Variants in USP11 observed in about 807,000 individuals in gnomAD.
The protein encoded by USP11 is ubiquitin carboxyl-terminal hydrolase 11.
Under a neutral mutation model 72.8 loss-of-function variants are expected in USP11, and 5 were observed. The ratio of observed to expected loss-of-function variants is 0.07; its 90% confidence interval spans 0.04 to 0.14. USP11 has a LOEUF of 0.14. Among genes scored for constraint, USP11 ranks in the 10% least tolerant of loss-of-function variants. USP11 has a pLI of 1.00. For synonymous variants in USP11, 368 were observed against 326.5 expected (o/e 1.13, Z -1.37); for missense variants, 480 against 794.7 (o/e 0.60, Z 4.76).
Position 47,247,951 on chromosome X carries a change from GAAAAA to G in USP11, c.*33_*37del. On this transcript the variant is annotated 3_prime_UTR_variant, in exon 21 of 21. Coordinates refer to ENST00000377107, the MANE Select transcript of USP11 (RefSeq NM_001371072.1). ...ATTGAGAGCCCTGGGTCCTGCCACAGAAAAAAAAAAAAAAAAGCCCTCTCTGCAAT... is the reference window on the plus strand; with the variant it reads ...ATTGAGAGCCCTGGGTCCTGCCACAGAAAAAAAAAAAGCCCTCTCTGCAAT... The G allele has an allele frequency of 1.2e-5, 12 of 1,027,487 alleles. No individual in the cohort carries two copies. In the Admixed American group the frequency reaches 1.4e-4, roughly 12 times the overall value. The allele number at this position is 1,027,487 out of a possible 1,213,427, so 84.7% of individuals were successfully genotyped here. A position where few individuals can be genotyped will look rare whatever the true frequency, so the allele number is the denominator to read the frequency against.
rs2147354268 is a variant in USP11 at position 47,244,920 on chromosome X, C to G, written c.2082C>G (p.Val694=). ...TSDRTTSPEE[V]HAQPYIAIDW... The stretch of plus-strand genomic sequence containing the variant: ...ACCGCACAACCTCCCCTGAAGAAGT[C>G]CATGGTATTTCCTTTGGCTATCAGC... Residue 694 remains valine (V), a synonymous_variant, in exon 15 of 21, where the codon GTC becomes GTG. Coordinates refer to ENST00000377107, the MANE Select transcript of USP11 (RefSeq NM_001371072.1). The G allele has an allele frequency of 3.3e-6, 4 of 1,211,815 alleles. No individual in the cohort carries two copies. The East Asian group carries it at 1.2e-4, about 36-fold the overall frequency.
At position 47,248,320 on chromosome X, in the gene USP11, T is replaced by C. The variant is rs755115693; in HGVS notation, c.*390T>C. Reference sequence around the variant, plus strand: ...TGTGTGTATATATAAAGCACCAGTCTGCTCCCCACTCAGCAGTGTGGTTTT... The same window carrying C: ...TGTGTGTATATATAAAGCACCAGTCCGCTCCCCACTCAGCAGTGTGGTTTT... On this transcript the variant is annotated 3_prime_UTR_variant, in exon 21 of 21. Coordinates refer to ENST00000377107, the MANE Select transcript of USP11 (RefSeq NM_001371072.1). 9.7e-5 allele frequency: 15 copies of C among 154,803 alleles called. No individual in the cohort carries two copies. Among genetic ancestry groups the C allele is most frequent in the Non-Finnish European group, 1.8e-4 (15 of 83,224 alleles). 12.8% of individuals were successfully genotyped at this position (154,803 alleles called of 1,213,427 possible).
At chrX:47,241,137 ACT>A in intron 7 of USP11, 138 bp from the exon 8 acceptor site, 1 of 645,601 alleles carries the variant, frequency 1.5e-6, no homozygotes, top group Non-Finnish European at 2.3e-6. Flanking sequence ...TCTCTCCCCT[ACT>A]CTCCTGCTCC....
At chrX:47,235,579 G>A (rs1247197265) in intron 1 of USP11, among the ~76,000 whole-genome samples, 1 of 109,806 alleles carries the variant, frequency 9.1e-6, no homozygotes, top group Non-Finnish European at 1.9e-5. Flanking sequence ...GCATTCTGAT[G>A]TCTTCCCATA....
At position 47,242,603 on chromosome X, in the gene USP11, C is replaced by T; in HGVS notation, c.1489-23C>T. On this transcript the variant is annotated intron_variant, in intron 11 of 20. Coordinates refer to ENST00000377107, the MANE Select transcript of USP11 (RefSeq NM_001371072.1). ...TGGGAGGCCGTGCAGACTAACAGTC[C>T]CCTCTCCATATCCCATTCCTAGATG... is the stretch of plus-strand genomic sequence containing the variant. The T allele has an allele frequency of 5.8e-6, 7 of 1,204,067 alleles. 1 individual carries two copies. The Admixed American group carries it at 6.5e-5, about 11-fold the overall frequency.
chrX:47,246,195 A>G (rs903685191), intron 17 of USP11, among the ~76,000 whole-genome samples: 1 of 112,175 alleles, frequency 8.9e-6, no homozygotes, highest in Non-Finnish European at 1.9e-5. Flanking sequence ...CTTTTGTGTT[A>G]TTTGTCATCT....
At chrX:47,244,232 G>A (rs1219771118) in intron 13 of USP11, among the ~76,000 whole-genome samples, 1 of 108,206 alleles carries the variant, frequency 9.2e-6, no homozygotes, top group Non-Finnish European at 1.9e-5. Context: ...CCAAATAGCT[G>A]CAATTACAGC....
Position 47,243,508 on chromosome X carries a change from G to A in USP11, c.1696G>A (p.Gly566Ser), listed in dbSNP as rs765719583. ...CCGTGACTACAACAACTCCTACTAC[G>A]GCCTGATGCTTTTTGGACACCCCCT... ...PARDYNNSYY[G>S]LMLFGHPLLV... The change falls in exon 13 of 21, where the codon GGC (glycine) becomes AGC (serine). Residue 566 changes from glycine to serine, a missense_variant. By Grantham distance (56) the Gly-to-Ser change is moderately conservative (BLOSUM62 0). Transcript: ENST00000377107. 4 of 1,209,666 alleles carry A rather than the reference G, an allele frequency of 3.3e-6. No individual in the cohort carries two copies. The highest frequency in any genetic ancestry group is 3.5e-5 in the South Asian group (2 of 56,799).
chrX:47,237,142 G>A (rs1005114353), intron 1 of USP11, among the ~76,000 whole-genome samples: 2 of 112,074 alleles, frequency 1.8e-5, no homozygotes, highest in African/African-American at 6.5e-5. Flanking sequence ...AAGAAGTTGA[G>A]CAGTGCCTAC....
chrX:47,238,020 C>T (rs1214737436), intron 1 of USP11, among the ~76,000 whole-genome samples: 1 of 110,771 alleles, frequency 9.0e-6, no homozygotes, highest in African/African-American at 3.3e-5. Context: ...ATAAGTTTCA[C>T]CTTTAAAAGA....
intron 1 of USP11, among the ~76,000 whole-genome samples, chrX:47,236,276 C>T (rs950547772): frequency 8.9e-6 from 1 of 112,487 alleles, no homozygotes; most frequent in Admixed American, 9.4e-5. Flanking sequence ...GTTAATGCTT[C>T]TCTAGTAAGA....
At position 47,245,099 on chromosome X, in the gene USP11, C is replaced by T; in HGVS notation, c.2157+13C>T. On this transcript the variant is annotated intron_variant, in intron 16 of 20. Coordinates refer to ENST00000377107, the MANE Select transcript of USP11 (RefSeq NM_001371072.1). ...GGTAGAGGCTGAGGTAAATGAGATCCCAGGGATGGGGGGTACTTCCAGCTC... is the reference window on the plus strand; with the variant it reads ...GGTAGAGGCTGAGGTAAATGAGATCTCAGGGATGGGGGGTACTTCCAGCTC... The T allele has an allele frequency of 8.3e-7, 1 of 1,208,070 alleles. No individual in the cohort carries two copies. Among genetic ancestry groups the T allele is most frequent in the Non-Finnish European group, 1.1e-6 (1 of 893,192 alleles).
chrX:47,239,897 C>T lies in USP11; in HGVS notation c.525C>T (p.Thr175=), dbSNP rs146567662. 1.4e-5 allele frequency: 17 copies of T among 1,208,711 alleles called. No individual in the cohort carries two copies. The highest frequency in any genetic ancestry group is 1.8e-5 in the Non-Finnish European group (16 of 894,176). Residue 175 remains threonine, a synonymous_variant, in exon 4 of 21, where the codon ACC becomes ACT. Transcript: ENST00000377107. The part of the protein sequence containing the change: ...GKSHTVQFSH[T]DSIGLVLRTA... The stretch of plus-strand genomic sequence containing the variant: ...CTCACACTGTTCAGTTCAGCCATAC[C>T]GATTCTATTGGTGAGTCTAAGGGTC...
chrX:47,233,895 A>G (rs1052252297), intron 1 of USP11: 1 of 112,334 alleles, frequency 8.9e-6, no homozygotes, highest in Non-Finnish European at 1.9e-5. Context: ...AGCCTTCCCG[A>G]GTCGAGAGAA....
chrX:47,248,104 G>C lies in USP11; in HGVS notation c.*174G>C. ...CATCGCTCTCTCCCGGGAAAGAACA[G>C]GTCGTGTCTCCTCCTAGCAGTGCGC... On this transcript the variant is annotated 3_prime_UTR_variant, in exon 21 of 21. Coordinates refer to ENST00000377107, the MANE Select transcript of USP11 (RefSeq NM_001371072.1). 1.4e-6 allele frequency: 1 copy of C among 736,197 alleles called. No homozygotes were observed. Among genetic ancestry groups the C allele is most frequent in the Non-Finnish European group, 1.9e-6 (1 of 525,511 alleles). 60.7% of individuals were successfully genotyped at this position (736,197 alleles called of 1,213,427 possible). A position where few individuals can be genotyped will look rare whatever the true frequency, so the allele number is the denominator to read the frequency against.
At chrX:47,237,775 GGTGTGTGTGTATGTGTGTGTGTGTGTGT>G (rs1248696826) in intron 1 of USP11, among the ~76,000 whole-genome samples, 86 of 99,205 alleles carry the variant, frequency 8.7e-4, no homozygotes, top group Non-Finnish European at 1.4e-3. Context: ...CAGCAGAACA[GGTGTGTGTGTATGTGTGTGTGTGTGTGT>G]GTGTGTGTGT....
Position 47,247,596 on chromosome X carries a change from C to T in USP11, c.2537-15C>T, listed in dbSNP as rs756055911. ...GCAGGAAGGGTAGGCGAGGATAACTCTCCTTCCCTTTCAGACACAACATTT... is the reference window on the plus strand; with the variant it reads ...GCAGGAAGGGTAGGCGAGGATAACTTTCCTTCCCTTTCAGACACAACATTT... On this transcript the variant is annotated splice_polypyrimidine_tract_variant and intron_variant, in intron 19 of 20. Transcript: ENST00000377107. 93 of 1,207,896 alleles carry T rather than the reference C, an allele frequency of 7.7e-5. No homozygotes were observed. Among genetic ancestry groups the T allele is most frequent in the Non-Finnish European group, 1.0e-4 (91 of 894,038 alleles).
At chrX:47,246,108 CCT>C (rs1387059069) in intron 17 of USP11, among the ~76,000 whole-genome samples, 2 of 112,237 alleles carry the variant, frequency 1.8e-5, no homozygotes, top group Non-Finnish European at 3.8e-5. Context: ...CTCTCCATCC[CCT>C]CTCTGCTCTT....
At chrX:47,243,703 C>T (rs1424914651) in intron 13 of USP11, 101 bp downstream of exon 13, 10 of 838,012 alleles carry the variant, frequency 1.2e-5, no homozygotes, top group Non-Finnish European at 1.7e-5. Context: ...AAACAAAAGA[C>T]AGTCCAAACT....
Sources: allele counts gnomAD v4.1 joint callset (sites outside exome capture counted in the v4.1 genomes callset), GRCh38; gene constraint gnomAD v4.1.1; transcripts MANE v1.5; gene names NCBI Gene and HGNC (gene_info 2026-07-23, HGNC 2026-07-21).